TLE4: variants seen among roughly 807,000 people sequenced by gnomAD.
TLE4 encodes TLE family member 4, transcriptional corepressor.
TLE4 carries 8 observed loss-of-function variants against 92.8 expected under a neutral mutation model. The observed-to-expected ratio is 0.09, with a 90% CI of 0.05 to 0.16. The LOEUF is 0.16. Among genes scored for constraint, TLE4 ranks in the 10% least tolerant of loss-of-function variants. The pLI, the probability that TLE4 is intolerant of heterozygous loss-of-function variation, is 1.00. For synonymous variants in TLE4, 371 were observed against 374.1 expected, an observed-to-expected ratio of 0.99 and a Z score of 0.10; for missense variants, 675 against 997.6, an observed-to-expected ratio of 0.68 and a Z score of 4.36.
chr9:79,629,048 A>G (rs558745473), intron 6 of TLE4, among the ~76,000 whole-genome samples: 4 of 152,224 alleles, frequency 2.6e-5, no homozygotes, highest in African/African-American at 9.6e-5. Flanking sequence ...TCTACTGTTT[A>G]CCATGGAGAG....
At chr9:79,573,649 G>A (rs1449466749) in intron 1 of TLE4, 40 bp from the exon 2 acceptor site, 1 of 1,504,922 alleles carries the variant, frequency 6.6e-7, no homozygotes. Flanking sequence ...TGCTTCGCCT[G>A]TGATGTGGGC....
chr9:79,599,284 C>T (rs2044940681), intron 4 of TLE4, among the ~76,000 whole-genome samples: 1 of 152,190 alleles, frequency 6.6e-6, no homozygotes, highest in Non-Finnish European at 1.5e-5. Flanking sequence ...ATTTTCCACT[C>T]TATTTTTTAT....
chr9:79,594,689 G>C (rs1219155585), intron 4 of TLE4, among the ~76,000 whole-genome samples: 1 of 152,146 alleles, frequency 6.6e-6, no homozygotes, highest in Non-Finnish European at 1.5e-5. Flanking sequence ...CACTCCGACA[G>C]ATACTTAGGC....
intron 8 of TLE4, among the ~76,000 whole-genome samples, chr9:79,679,092 G>A (rs1253950266): frequency 6.6e-6 from 1 of 151,906 alleles, no homozygotes; most frequent in East Asian, 1.9e-4. Context: ...ACGTGTGCAT[G>A]TGTCTTTATA....
chr9:79,645,351 T>C (rs1301143666), intron 6 of TLE4, among the ~76,000 whole-genome samples: 1 of 152,174 alleles, frequency 6.6e-6, no homozygotes, highest in Non-Finnish European at 1.5e-5. Context: ...GTAGTAGAGT[T>C]GGAGTGGGGG....
rs551425484 is a variant in TLE4, at chr9:79,693,782, C to T, written c.610-11001C>T. 1.0e-4 allele frequency: 37 copies of T among 357,996 alleles called. No homozygotes were observed. The East Asian group carries it at 3.0e-3, about 29-fold the overall frequency. 22.2% of individuals were successfully genotyped at this position (357,996 alleles called of 1,614,324 possible). A position where few individuals can be genotyped will look rare whatever the true frequency, so the allele number is the denominator to read the frequency against. On this transcript the variant is annotated intron_variant, in intron 8 of 19. Coordinates refer to ENST00000376552, the MANE Select transcript of TLE4 (RefSeq NM_007005.6). The stretch of plus-strand genomic sequence containing the variant: ...CATATTTAGTATTAAATAGCAAAAG[C>T]GCATCACTGAGCTAGCATTCTTTTT...
chr9:79,593,359 TG>T (rs1381128523), intron 4 of TLE4, among the ~76,000 whole-genome samples: 2 of 152,288 alleles, frequency 1.3e-5, no homozygotes, highest in African/African-American at 4.8e-5. Flanking sequence ...CACACACCCA[TG>T]TATCTAGTAC....
intron 4 of TLE4, among the ~76,000 whole-genome samples, chr9:79,592,145 CTTCT>C (rs1322911284): frequency 2.0e-5 from 3 of 150,464 alleles, no homozygotes; most frequent in East Asian, 2.0e-4. Context: ...TTTCTTCTTT[CTTCT>C]TTCTTCTTCT....
At position 79,706,893 on chromosome 9, in the gene TLE4, T is replaced by A. The variant is rs927266762; in HGVS notation, c.930T>A (p.Leu310=). The A allele has an allele frequency of 1.2e-6, 2 of 1,614,080 alleles. No individual in the cohort carries two copies. Among genetic ancestry groups the A allele is most frequent in the Non-Finnish European group, 1.7e-6 (2 of 1,179,974 alleles). The change falls in exon 11 of 20, where the codon CTT becomes CTA. Residue 310 remains leucine (L), a synonymous_variant. Coordinates refer to ENST00000376552, the MANE Select transcript of TLE4 (RefSeq NM_007005.6). The part of the protein sequence containing the change: ...SSTPSSKSKE[L]SLNEKSTTPV... ...CTCCCTCCTCCAAATCCAAAGAACTTAGCCTTGTAAGCAGCTCCTTACCAT... is the reference window on the plus strand; with the variant it reads ...CTCCCTCCTCCAAATCCAAAGAACTAAGCCTTGTAAGCAGCTCCTTACCAT...
chr9:79,579,217 C>G (rs1402450609), intron 4 of TLE4, among the ~76,000 whole-genome samples: 3 of 152,108 alleles, frequency 2.0e-5, no homozygotes. Flanking sequence ...GCTGATTGTT[C>G]TTCTTTGTAA....
At chr9:79,622,095 G>T (rs1050922903) in intron 5 of TLE4, among the ~76,000 whole-genome samples, 4 of 152,122 alleles carry the variant, frequency 2.6e-5, no homozygotes, top group South Asian at 4.1e-4. Flanking sequence ...CAACTTTTTT[G>T]CATGTCATGC....
intron 8 of TLE4, among the ~76,000 whole-genome samples, chr9:79,658,276 G>A (rs1040796143): frequency 2.6e-5 from 4 of 152,074 alleles, no homozygotes; most frequent in South Asian, 4.1e-4. Flanking sequence ...TGTAATTTTT[G>A]TTGGCATAAT....
intron 8 of TLE4, among the ~76,000 whole-genome samples, chr9:79,671,925 T>TAA (rs199524403): frequency 1.5e-5 from 2 of 129,628 alleles, no homozygotes; most frequent in Non-Finnish European, 3.2e-5. Context: ...GTTTCTCCGT[T>TAA]AAAAAAAAAA....
intron 4 of TLE4, among the ~76,000 whole-genome samples, chr9:79,584,440 A>G (rs895209367): frequency 3.3e-5 from 5 of 152,194 alleles, no homozygotes; most frequent in African/African-American, 1.2e-4. Flanking sequence ...GCTATCTGGC[A>G]TTCCTGAACT....
chr9:79,620,737 G>C (rs115498694), intron 5 of TLE4, among the ~76,000 whole-genome samples: 1,710 of 152,300 alleles, frequency 0.011, 37 homozygotes, highest in African/African-American at 0.039. Context: ...AGAAATACCT[G>C]AGACTGGGTA....
chr9:79,603,007 G>A (rs1460474333), intron 4 of TLE4, among the ~76,000 whole-genome samples: 1 of 152,062 alleles, frequency 6.6e-6, no homozygotes, highest in African/African-American at 2.4e-5. Context: ...GATGTTCTTT[G>A]GGGGTGGACC....
intron 8 of TLE4, among the ~76,000 whole-genome samples, chr9:79,680,123 C>T (rs1056916232): frequency 1.8e-4 from 28 of 152,096 alleles, no homozygotes; most frequent in Non-Finnish European, 3.7e-4. Context: ...TCCATATGAA[C>T]TTTAAAGTAG....
intron 6 of TLE4, 55 bp downstream of exon 6, chr9:79,627,503 G>T: frequency 1.9e-6 from 3 of 1,547,870 alleles, no homozygotes; most frequent in Admixed American, 1.7e-5. Context: ...CAGCTCTCTC[G>T]CTCTCTCTTT....
At chr9:79,592,820 T>A (rs1307156501) in intron 4 of TLE4, among the ~76,000 whole-genome samples, 1 of 152,188 alleles carries the variant, frequency 6.6e-6, no homozygotes, top group East Asian at 1.9e-4. Flanking sequence ...TATCAGTGAT[T>A]GTGTATCCTT....
Sources: allele counts gnomAD v4.1 joint callset (sites outside exome capture counted in the v4.1 genomes callset), GRCh38; gene constraint gnomAD v4.1.1; transcripts MANE v1.5; gene names NCBI Gene and HGNC (gene_info 2026-07-23, HGNC 2026-07-21).